Variants in ZNG1A observed in about 807,000 individuals in gnomAD.
ZNG1A encodes Zn regulated GTPase metalloprotein activator 1A, also known as zinc-regulated GTPase metalloprotein activator 1A.
chr9:161,903 G>A, the ZNG1A span, among the ~76,000 whole-genome samples: 3 of 151,312 alleles, frequency 2.0e-5, no homozygotes, highest in African/African-American at 7.3e-5. Context: ...TCTTCAATAT[G>A]TACTTTTTAA....
At chr9:160,167 A>T in the ZNG1A span, 1 of 454,648 alleles carries the variant, frequency 2.2e-6, no homozygotes, top group Non-Finnish European at 4.4e-6. Context: ...AATATTTCAC[A>T]TCAATGGGTG....
At chr9:175,216 A>C in the ZNG1A span, among the ~76,000 whole-genome samples, 3 of 152,088 alleles carry the variant, frequency 2.0e-5, no homozygotes, top group African/African-American at 7.2e-5. Context: ...TGTCTCTACT[A>C]AAAATACAAA....
chr9:157,393 C>A, the ZNG1A span, among the ~76,000 whole-genome samples: 1 of 133,262 alleles, frequency 7.5e-6, no homozygotes, highest in Non-Finnish European at 1.6e-5. Flanking sequence ...CCTCAAACCT[C>A]AATAGAGGTT....
At chr9:155,357 A>AG in the ZNG1A span, among the ~76,000 whole-genome samples, 1 of 151,388 alleles carries the variant, frequency 6.6e-6, no homozygotes, top group Non-Finnish European at 1.5e-5. Flanking sequence ...GAGGCTGAGG[A>AG]GGGAGGATCC....
the ZNG1A span, chr9:150,124 T>G: frequency 3.3e-5 from 4 of 119,440 alleles, no homozygotes; most frequent in Admixed American, 8.2e-5. Flanking sequence ...CGGTTTTGTT[T>G]TTTTTTTTTT....
At chr9:139,818 G>A in the ZNG1A span, among the ~76,000 whole-genome samples, 6 of 151,632 alleles carry the variant, frequency 4.0e-5, no homozygotes, top group Admixed American at 1.3e-4. Flanking sequence ...CCATCCGCGA[G>A]CCGAAGCAGG....
the ZNG1A span, among the ~76,000 whole-genome samples, chr9:162,970 T>A: frequency 6.6e-6 from 1 of 152,116 alleles, no homozygotes; most frequent in African/African-American, 2.4e-5. Flanking sequence ...ATGTTCTACA[T>A]AACATATGCC....
the ZNG1A span, among the ~76,000 whole-genome samples, chr9:142,221 C>G: frequency 1.4e-5 from 2 of 144,104 alleles, no homozygotes; most frequent in Non-Finnish European, 3.0e-5. Context: ...CTCTCCACCC[C>G]AAATCAACAG....
chr9:151,357 T>G, the ZNG1A span: 1 of 976,606 alleles, frequency 1.0e-6, no homozygotes, highest in Non-Finnish European at 1.2e-6. Flanking sequence ...AGAGACTGAG[T>G]GGAACTAGAC....
At chr9:146,556 C>T in the ZNG1A span, 1 of 180,278 alleles carries the variant, frequency 5.5e-6, no homozygotes, top group Non-Finnish European at 1.1e-5. Context: ...TACCCCCTCC[C>T]TTGATATAAC....
At chr9:155,520 T>C in the ZNG1A span, among the ~76,000 whole-genome samples, 1 of 152,236 alleles carries the variant, frequency 6.6e-6, no homozygotes, top group Non-Finnish European at 1.5e-5. Context: ...CTGTAAAGAA[T>C]CCAGTTGACT....
chr9:157,287 T>G, the ZNG1A span, among the ~76,000 whole-genome samples: 1 of 130,760 alleles, frequency 7.6e-6, no homozygotes, highest in Non-Finnish European at 1.7e-5. Flanking sequence ...TTGTTGTCTG[T>G]TTTTTTTTTT....
At chr9:178,004 C>T in the ZNG1A span, among the ~76,000 whole-genome samples, 3 of 135,456 alleles carry the variant, frequency 2.2e-5, no homozygotes, top group South Asian at 7.4e-4. Flanking sequence ...AATATTATTT[C>T]CCGGAAACAG....
the ZNG1A span, chr9:172,393 T>C: frequency 6.5e-6 from 3 of 458,870 alleles, no homozygotes; most frequent in Non-Finnish European, 1.2e-5. Context: ...ATCATATACA[T>C]AATACTTTAT....
chr9:140,152 G>C, the ZNG1A span, among the ~76,000 whole-genome samples: 2 of 151,290 alleles, frequency 1.3e-5, no homozygotes, highest in Admixed American at 6.6e-5. Context: ...GAACTGGGTG[G>C]AGCCCACCAC....
At chr9:169,155 T>C in the ZNG1A span, among the ~76,000 whole-genome samples, 6 of 152,194 alleles carry the variant, frequency 3.9e-5, no homozygotes, top group South Asian at 2.1e-4. Flanking sequence ...TAAGAACATT[T>C]GTGATTCATG....
chr9:157,439 G>A, the ZNG1A span, among the ~76,000 whole-genome samples: 2 of 128,212 alleles, frequency 1.6e-5, no homozygotes, highest in South Asian at 5.6e-4. Context: ...CTGAGGTTTA[G>A]AGGCAACTAG....
At chr9:124,905 G>A in the ZNG1A span, among the ~76,000 whole-genome samples, 28,410 of 150,270 alleles carry the variant, frequency 0.19, no homozygotes, top group East Asian at 0.39. Flanking sequence ...TTATGGCTGA[G>A]GAGTATTCCA....
chr9:148,837 G>T, the ZNG1A span: 1 of 148,332 alleles, frequency 6.7e-6, no homozygotes, highest in Non-Finnish European at 1.5e-5. Context: ...GCTCTCCAAG[G>T]TGGGGGTGGA....
Sources: gnomAD v4.1 joint callset for allele counts (sites outside exome capture counted in the v4.1 genomes callset) on GRCh38, gnomAD v4.1.1 for gene constraint, MANE v1.5 for transcripts, NCBI Gene and HGNC (gene_info 2026-07-23, HGNC 2026-07-21) for gene names.